Variants in CNTNAP2 observed in about 807,000 individuals in gnomAD.
CNTNAP2 encodes the protein contactin-associated protein-like 2.
CNTNAP2 carries 98 observed loss-of-function variants against 155.2 expected under a neutral mutation model. The observed-to-expected ratio is 0.63, with a 90% CI of 0.54 to 0.75. The LOEUF is 0.75. Among genes scored for constraint, CNTNAP2 ranks in the 30% least tolerant of loss-of-function variants. The pLI is 0.00. For synonymous variants in CNTNAP2, 651 were observed against 631.2 expected, an observed-to-expected ratio of 1.03 and a Z score of -0.47; for missense variants, 1,727 against 1,688.1, an observed-to-expected ratio of 1.02 and a Z score of -0.40.
At chr7:146,150,989 T>C (rs1433503789) in intron 1 of CNTNAP2, among the ~76,000 whole-genome samples, 1 of 152,102 alleles carries the variant, frequency 6.6e-6, no homozygotes, top group African/African-American at 2.4e-5. Context: ...CTTACAGTCA[T>C]GGCTGAAGGC....
chr7:146,427,500 C>T (rs1278400020), intron 1 of CNTNAP2, among the ~76,000 whole-genome samples: 1 of 151,934 alleles, frequency 6.6e-6, no homozygotes, highest in Non-Finnish European at 1.5e-5. Flanking sequence ...TTCTTTTTAC[C>T]ATTAAGAAAC....
intron 18 of CNTNAP2, among the ~76,000 whole-genome samples, chr7:148,191,268 C>G (rs1002576677): frequency 6.6e-6 from 1 of 152,018 alleles, no homozygotes; most frequent in Non-Finnish European, 1.5e-5. Flanking sequence ...CTCTCTCTCT[C>G]TCTCTCCCTC....
At chr7:147,204,662 T>C (rs939006406) in intron 8 of CNTNAP2, among the ~76,000 whole-genome samples, 13 of 152,142 alleles carry the variant, frequency 8.5e-5, no homozygotes, top group African/African-American at 3.1e-4. Context: ...TATGATTTTA[T>C]AGGTAATGTA....
chr7:146,337,709 G>C (rs1801302010), intron 1 of CNTNAP2, among the ~76,000 whole-genome samples: 1 of 152,066 alleles, frequency 6.6e-6, no homozygotes, highest in Non-Finnish European at 1.5e-5. Context: ...GGTTCAAGCG[G>C]TTCTCCTGCT....
At chr7:147,182,487 A>C (rs984722584) in intron 8 of CNTNAP2, among the ~76,000 whole-genome samples, 1 of 152,266 alleles carries the variant, frequency 6.6e-6, no homozygotes, top group South Asian at 2.1e-4. Context: ...TACTAAGCAC[A>C]TTAGTTTCAT....
At chr7:147,235,345 G>GGTGT (rs60072934) in intron 8 of CNTNAP2, among the ~76,000 whole-genome samples, 16,570 of 140,794 alleles carry the variant, frequency 0.12, 1,071 homozygotes, top group African/African-American at 0.14. Context: ...TGGAGTTTTT[G>GGTGT]GTGTGTGTGT....
chr7:146,756,509 C>G (rs1394968700), intron 1 of CNTNAP2, among the ~76,000 whole-genome samples: 4 of 151,978 alleles, frequency 2.6e-5, no homozygotes, highest in African/African-American at 9.7e-5. Context: ...TTTCTAGACT[C>G]TCAAGTCTCA....
chr7:146,501,561 A>C (rs1436783231), intron 1 of CNTNAP2, among the ~76,000 whole-genome samples: 3 of 152,048 alleles, frequency 2.0e-5, no homozygotes, highest in South Asian at 4.1e-4. Flanking sequence ...CCTGGTAGTA[A>C]TATCTAGTAA....
intron 11 of CNTNAP2, among the ~76,000 whole-genome samples, chr7:147,549,215 G>T (rs1017823935): frequency 6.6e-6 from 1 of 152,136 alleles, no homozygotes; most frequent in Non-Finnish European, 1.5e-5. Flanking sequence ...TCATGATAAT[G>T]ATTCTTCCTC....
intron 13 of CNTNAP2, among the ~76,000 whole-genome samples, chr7:147,849,319 T>C (rs1798879813): frequency 6.6e-6 from 1 of 152,252 alleles, no homozygotes; most frequent in South Asian, 2.1e-4. Context: ...AGTATTTTCA[T>C]TTCTCAGCAT....
At chr7:147,427,230 G>T (rs1048172412) in intron 10 of CNTNAP2, among the ~76,000 whole-genome samples, 4 of 152,124 alleles carry the variant, frequency 2.6e-5, no homozygotes, top group Admixed American at 6.5e-5. Flanking sequence ...GGGCCCTCAT[G>T]CTGTAATCAC....
chr7:146,608,533 A>G (rs534292193), intron 1 of CNTNAP2, among the ~76,000 whole-genome samples: 2 of 152,310 alleles, frequency 1.3e-5, no homozygotes, highest in Admixed American at 6.5e-5. Context: ...ATAAAGTACA[A>G]TACATTGTTG....
chr7:147,420,817 T>C (rs566551535), intron 10 of CNTNAP2, among the ~76,000 whole-genome samples: 164 of 152,176 alleles, frequency 1.1e-3, no homozygotes, highest in Non-Finnish European at 2.1e-3. Flanking sequence ...CCATTCTAAC[T>C]GCAGAACCCA....
chr7:147,588,809 T>A (rs1391286822), intron 12 of CNTNAP2, among the ~76,000 whole-genome samples: 1 of 152,198 alleles, frequency 6.6e-6, no homozygotes, highest in African/African-American at 2.4e-5. Flanking sequence ...AAGCAGCTGG[T>A]CTGTAGACAG....
intron 4 of CNTNAP2, among the ~76,000 whole-genome samples, chr7:147,045,548 C>A (rs1456543449): frequency 1.3e-5 from 2 of 152,158 alleles, no homozygotes; most frequent in African/African-American, 4.8e-5. Flanking sequence ...AGTAGAGAGA[C>A]AAAAGATTTA....
intron 1 of CNTNAP2, among the ~76,000 whole-genome samples, chr7:146,133,337 T>C (rs911471305): frequency 2.3e-3 from 344 of 152,154 alleles, no homozygotes; most frequent in Non-Finnish European, 3.7e-3. Context: ...GAGTAGGTTG[T>C]GAAAATTTTC....
At chr7:147,156,917 A>G (rs1196088818) in intron 8 of CNTNAP2, among the ~76,000 whole-genome samples, 3 of 152,100 alleles carry the variant, frequency 2.0e-5, no homozygotes, top group Non-Finnish European at 4.4e-5. Flanking sequence ...GGTACCCTAT[A>G]TAGAGAATCA....
At position 148,012,133 on chromosome 7, in the gene CNTNAP2, G is replaced by A. The variant is rs572067854; in HGVS notation, c.2383+34144G>A. Among the ~76,000 whole-genome samples, 11 of 152,238 alleles carry A rather than the reference G, an allele frequency of 7.2e-5. No individual in the cohort carries two copies. In the South Asian group the frequency reaches 2.3e-3, roughly 32 times the overall value. ...GGATGTTGCTTTGTTGCCCAGGCTG[G>A]CCTCAAACTCCTGGCCTCAAGTGAT... On this transcript the variant is annotated intron_variant, in intron 15 of 23. Transcript: ENST00000361727.
rs1333019534 is a variant in CNTNAP2 at position 146,642,681 on chromosome 7, G to A, written c.98-131590G>A. ...TCCTTTGGGTATATACCCAGTAATG[G>A]GATGGCTGGGTCAAATGGTATTTCT... On this transcript the variant is annotated intron_variant, in intron 1 of 23. Transcript: ENST00000361727. Among the ~76,000 whole-genome samples the A allele has an allele frequency of 2.0e-4, 30 of 152,092 alleles. No homozygotes were observed. The South Asian group carries it at 6.2e-3, about 32-fold the overall frequency.
Sources: gnomAD v4.1 joint callset for allele counts (sites outside exome capture counted in the v4.1 genomes callset) on GRCh38, gnomAD v4.1.1 for gene constraint, MANE v1.5 for transcripts, NCBI Gene and HGNC (gene_info 2026-07-23, HGNC 2026-07-21) for gene names.